The following ORC2 variants were observed in gnomAD, a reference collection of about 807,000 sequenced individuals.
ORC2 encodes the protein origin recognition complex protein 2 homolog.
Under a neutral mutation model 77.7 loss-of-function variants are expected in ORC2, and 37 were observed. The observed-to-expected ratio is 0.48, with a 90% CI of 0.37 to 0.63. The LOEUF is 0.63. Ranked by LOEUF, ORC2 falls within the 20% of genes least tolerant of loss-of-function variation. The pLI is 0.00. For synonymous variants in ORC2, 201 were observed against 229.5 expected (o/e 0.88, Z 1.12); for missense variants, 557 against 661.9 (o/e 0.84, Z 1.74).
intron 11 of ORC2, among the ~76,000 whole-genome samples, chr2:200,928,030 T>C (rs2124965388): frequency 6.6e-6 from 1 of 151,636 alleles, no homozygotes; most frequent in African/African-American, 2.4e-5. Flanking sequence ...GTTCTTCCTC[T>C]TCCTTCCTAA....
intron 13 of ORC2, among the ~76,000 whole-genome samples, chr2:200,924,815 G>T (rs1450160564): frequency 6.6e-6 from 1 of 152,112 alleles, no homozygotes; most frequent in Admixed American, 6.5e-5. Flanking sequence ...GTGGAGTGCA[G>T]TGGTATGATC....
At chr2:200,918,834 CAAAA>C (rs368670179) in intron 15 of ORC2, among the ~76,000 whole-genome samples, 1 of 151,874 alleles carries the variant, frequency 6.6e-6, no homozygotes, top group Non-Finnish European at 1.5e-5. Context: ...AAATTTAAAA[CAAAA>C]AAATTCATTT....
Position 200,913,995 on chromosome 2 carries a change from A to T in ORC2, c.1467-3T>A, listed in dbSNP as rs2040595167. On this transcript the variant is annotated splice_polypyrimidine_tract_variant and splice_region_variant and intron_variant, in intron 15 of 17. Coordinates refer to ENST00000234296, the MANE Select transcript of ORC2 (RefSeq NM_006190.5). ...TTATTAGTAGCCTGAAAATTCCCCTAAAAAAAAAAAAAAACAGGAATTTAA... is the reference window on the plus strand; with the variant it reads ...TTATTAGTAGCCTGAAAATTCCCCTTAAAAAAAAAAAAAACAGGAATTTAA... 2 of 546,064 alleles carry T rather than the reference A, an allele frequency of 3.7e-6. No homozygotes were observed. The highest frequency in any genetic ancestry group is 5.1e-6 in the Non-Finnish European group (2 of 391,088). 33.8% of individuals were successfully genotyped at this position (546,064 alleles called of 1,614,324 possible).
intron 7 of ORC2, 122 bp downstream of exon 7, chr2:200,941,126 A>C (rs1413620205): frequency 1.5e-6 from 1 of 680,080 alleles, no homozygotes; most frequent in East Asian, 2.9e-5. Flanking sequence ...ACTGCCAAAT[A>C]TCTGTAAATT....
At chr2:200,945,642 T>TAC (rs1213919114) in intron 5 of ORC2, among the ~76,000 whole-genome samples, 1 of 152,252 alleles carries the variant, frequency 6.6e-6, no homozygotes, top group Non-Finnish European at 1.5e-5. Context: ...TTCATTATTC[T>TAC]ATTAATTCAT....
At chr2:200,942,055 T>C (rs1178888036) in intron 6 of ORC2, among the ~76,000 whole-genome samples, 3 of 151,564 alleles carry the variant, frequency 2.0e-5, no homozygotes, top group Non-Finnish European at 4.4e-5. Context: ...TGCGGTGTGC[T>C]TATAGGCCCT....
At chr2:200,931,204 T>C (rs2040932582) in intron 11 of ORC2, 135 bp downstream of exon 11, 3 of 434,210 alleles carry the variant, frequency 6.9e-6, no homozygotes, top group Non-Finnish European at 8.3e-6. Context: ...ATAATGTCTA[T>C]TTTTACATTT....
At chr2:200,958,950 TTC>T (rs1239536597) in intron 2 of ORC2, among the ~76,000 whole-genome samples, 3 of 152,240 alleles carry the variant, frequency 2.0e-5, no homozygotes, top group Non-Finnish European at 4.4e-5. Context: ...TTCTTTTCTC[TTC>T]TCTCTTTCTT....
intron 7 of ORC2, among the ~76,000 whole-genome samples, chr2:200,938,681 A>G (rs2124994996): frequency 6.6e-6 from 1 of 152,342 alleles, no homozygotes; most frequent in African/African-American, 2.4e-5. Context: ...TATGACAAAA[A>G]AATTTAAGTT....
chr2:200,933,349 G>C (rs554340085), intron 10 of ORC2, among the ~76,000 whole-genome samples: 7 of 149,430 alleles, frequency 4.7e-5, no homozygotes, highest in Non-Finnish European at 1.0e-4. Context: ...TCTACTTTGT[G>C]CAAAGTTTTT....
At chr2:200,914,408 C>T (rs974576381) in intron 15 of ORC2, among the ~76,000 whole-genome samples, 7 of 152,078 alleles carry the variant, frequency 4.6e-5, no homozygotes, top group African/African-American at 7.2e-5. Flanking sequence ...TCTCGTGATC[C>T]GCCCGCCTCG....
intron 11 of ORC2, among the ~76,000 whole-genome samples, chr2:200,929,168 C>CTGGA (rs1333707766): frequency 1.3e-5 from 2 of 152,178 alleles, no homozygotes; most frequent in African/African-American, 4.8e-5. Flanking sequence ...TCAGGCTGGT[C>CTGGA]TGGAACTCCT....
chr2:200,937,164 G>A (rs1246024829), intron 8 of ORC2, among the ~76,000 whole-genome samples: 1 of 152,080 alleles, frequency 6.6e-6, no homozygotes, highest in African/African-American at 2.4e-5. Flanking sequence ...TATATGTTTT[G>A]TGGTGATTAA....
rs997154091 is a variant in ORC2, at chr2:200,913,780, T to G, written c.1528+151A>C. ...TCAGCAGTGGATCTGTAGAGCTGCT[T>G]GAAAATTTGCTATGTGGCAGACATA... On this transcript the variant is annotated intron_variant, in intron 16 of 17. Transcript: ENST00000234296. The G allele has an allele frequency of 4.3e-6, 6 of 1,409,316 alleles. No homozygotes were observed. The Admixed American group carries it at 1.0e-4, about 24-fold the overall frequency. 87.3% of individuals were successfully genotyped at this position (1,409,316 alleles called of 1,614,324 possible).
intron 4 of ORC2, among the ~76,000 whole-genome samples, chr2:200,950,523 CATTA>C (rs1200622529): frequency 1.3e-5 from 2 of 152,082 alleles, no homozygotes; most frequent in African/African-American, 2.4e-5. Flanking sequence ...AATACTAAGA[CATTA>C]ATTAACTTTT....
chr2:200,963,373 G>A, intron 1 of ORC2, 117 bp downstream of exon 1: 1 of 398,190 alleles, frequency 2.5e-6, no homozygotes, highest in African/African-American at 2.1e-5. Flanking sequence ...TGAGATGCGC[G>A]ACTTGGGACG....
intron 11 of ORC2, among the ~76,000 whole-genome samples, chr2:200,929,765 G>A (rs2040905864): frequency 6.6e-6 from 1 of 151,510 alleles, no homozygotes; most frequent in Non-Finnish European, 1.5e-5. Flanking sequence ...CATTCTGGGT[G>A]ACAGAGTGAG....
intron 15 of ORC2, 102 bp from the exon 16 acceptor site, chr2:200,914,094 A>G (rs144713031): frequency 1.6e-5 from 11 of 667,898 alleles, no homozygotes; most frequent in East Asian, 1.4e-4. Context: ...TAGTTGGCCT[A>G]TCCGCATTAT....
chr2:200,933,440 CAG>C (rs925423148), intron 10 of ORC2, among the ~76,000 whole-genome samples: 2 of 151,814 alleles, frequency 1.3e-5, no homozygotes, highest in African/African-American at 4.8e-5. Flanking sequence ...AAATGAATAA[CAG>C]AGATAAATGG....
Sources: gnomAD v4.1 joint callset for allele counts (sites outside exome capture counted in the v4.1 genomes callset) on GRCh38, gnomAD v4.1.1 for gene constraint, MANE v1.5 for transcripts, NCBI Gene and HGNC (gene_info 2026-07-23, HGNC 2026-07-21) for gene names.